STEAP4: variants seen among roughly 807,000 people sequenced by gnomAD.
STEAP4 encodes metalloreductase STEAP4.
Under a neutral mutation model 43.6 loss-of-function variants are expected in STEAP4, and 36 were observed. The ratio of observed to expected loss-of-function variants is 0.83; its 90% confidence interval spans 0.63 to 1.09. STEAP4 has a LOEUF of 1.09. STEAP4 is among the 50% of genes least tolerant of loss of function. STEAP4 has a pLI of 0.00. For synonymous variants in STEAP4, 191 were observed against 196.7 expected (o/e 0.97, Z 0.24); for missense variants, 495 against 546.5 (o/e 0.91, Z 0.94).
chr7:88,282,509 C>CAT, intron 3 of STEAP4, 132 bp downstream of exon 3: 1 of 902,616 alleles, frequency 1.1e-6, no homozygotes, highest in East Asian at 2.7e-5. Context: ...ACTGACATGA[C>CAT]ATTTCTAATT....
chr7:88,287,516 A>G (rs1031733318), intron 1 of STEAP4, among the ~76,000 whole-genome samples: 2 of 152,160 alleles, frequency 1.3e-5, no homozygotes, highest in African/African-American at 4.8e-5. Context: ...TTATTACACA[A>G]ATCAGTTTCC....
chr7:88,296,729 A>G (rs1043427531), intron 1 of STEAP4, among the ~76,000 whole-genome samples: 15 of 152,180 alleles, frequency 9.9e-5, no homozygotes, highest in African/African-American at 2.9e-4. Context: ...ACCTTCCATG[A>G]AAACACAAAC....
At chr7:88,305,640 C>G (rs184356112) in intron 1 of STEAP4, among the ~76,000 whole-genome samples, 1 of 152,126 alleles carries the variant, frequency 6.6e-6, no homozygotes, top group East Asian at 1.9e-4. Flanking sequence ...AGACTCTTCC[C>G]CCGACAACTG....
intron 1 of STEAP4, among the ~76,000 whole-genome samples, chr7:88,285,503 G>A (rs899612151): frequency 9.2e-5 from 14 of 151,946 alleles, no homozygotes; most frequent in Admixed American, 9.2e-4. Context: ...ATTAAATAAT[G>A]TGGTACTATC....
rs373911843 is a variant in STEAP4 at position 88,303,358 on chromosome 7, T to C, written c.-3+3434A>G. 1.3e-4 allele frequency among the ~76,000 whole-genome samples: 20 copies of C among 151,882 alleles called. No individual in the cohort carries two copies. The East Asian group carries it at 1.4e-3, about 10-fold the overall frequency. On this transcript the variant is annotated intron_variant, in intron 1 of 4. Coordinates refer to ENST00000380079, the MANE Select transcript of STEAP4 (RefSeq NM_024636.4). ...TAAACATAAAAAAATTAGCTGGGCA[T>C]TGTGGTGGGCACTTATAATCCCAGC...
intron 1 of STEAP4, among the ~76,000 whole-genome samples, chr7:88,295,739 T>G (rs1586751780): frequency 6.6e-6 from 1 of 152,090 alleles, no homozygotes; most frequent in East Asian, 1.9e-4. Flanking sequence ...AAAACAAACT[T>G]AAGCGATTCT....
chr7:88,283,726 C>T (rs1852671446), intron 2 of STEAP4, 88 bp downstream of exon 2: 1 of 1,370,816 alleles, frequency 7.3e-7, no homozygotes, highest in East Asian at 2.3e-5. Flanking sequence ...GGCATTTCAT[C>T]TTGGAATTAT....
At chr7:88,291,269 A>T (rs911972345) in intron 1 of STEAP4, among the ~76,000 whole-genome samples, 2 of 152,070 alleles carry the variant, frequency 1.3e-5, no homozygotes, top group African/African-American at 2.4e-5. Context: ...GGATCACTTG[A>T]GGTCAGGAGC....
At chr7:88,290,099 C>T (rs1219065845) in intron 1 of STEAP4, among the ~76,000 whole-genome samples, 1 of 152,150 alleles carries the variant, frequency 6.6e-6, no homozygotes, top group African/African-American at 2.4e-5. Flanking sequence ...ATGCAGTTGC[C>T]AGTATCCTGT....
At chr7:88,285,826 T>A (rs974094578) in intron 1 of STEAP4, among the ~76,000 whole-genome samples, 15 of 151,206 alleles carry the variant, frequency 9.9e-5, no homozygotes, top group Admixed American at 2.0e-4. Flanking sequence ...GAATAAGTTT[T>A]AAAAAAATTC....
chr7:88,290,512 C>T (rs1037866487), intron 1 of STEAP4: 23 of 152,150 alleles, frequency 1.5e-4, no homozygotes, highest in African/African-American at 4.8e-4. Context: ...ACTAGGCCAT[C>T]AGAGGCAAAA....
At chr7:88,303,562 C>A (rs1413065261) in intron 1 of STEAP4, among the ~76,000 whole-genome samples, 1 of 151,272 alleles carries the variant, frequency 6.6e-6, no homozygotes, top group Non-Finnish European at 1.5e-5. Flanking sequence ...AAGTACAGTA[C>A]AGTAAACCTC....
intron 4 of STEAP4, among the ~76,000 whole-genome samples, 167 bp downstream of exon 4, chr7:88,280,748 A>C (rs1032274015): frequency 6.6e-6 from 1 of 152,208 alleles, no homozygotes; most frequent in Non-Finnish European, 1.5e-5. Flanking sequence ...TCTTAGCTGT[A>C]GATATGGAGG....
intron 1 of STEAP4, among the ~76,000 whole-genome samples, chr7:88,289,059 C>T (rs578057599): frequency 2.8e-5 from 4 of 143,616 alleles, no homozygotes; most frequent in Middle Eastern, 3.7e-3. Context: ...TGCATGCATG[C>T]GCGTGTGTGT....
intron 1 of STEAP4, among the ~76,000 whole-genome samples, chr7:88,300,960 A>G (rs998763173): frequency 6.6e-6 from 1 of 152,114 alleles, no homozygotes; most frequent in African/African-American, 2.4e-5. Context: ...TGGCATCAAC[A>G]CAATTTTAGC....
At position 88,279,483 on chromosome 7, in the gene STEAP4, A is replaced by G; in HGVS notation, c.1295T>C (p.Val432Ala). The change falls in exon 5 of 5, where the codon GTG (valine) becomes GCG (alanine). Residue 432 changes from valine (V) to alanine (A), a missense_variant. Physicochemically the swap from Val to Ala is moderately conservative, Grantham distance 64. Coordinates refer to ENST00000380079, the MANE Select transcript of STEAP4 (RefSeq NM_024636.4). ...TGGCATGATTAGGACAAACTTGATC[A>G]CCAGCACAGTGCAAGGAATGATAAG... Reference protein sequence around the residue: ...LGLIIPCTVLVIKFVLIMPCV... With the variant: ...LGLIIPCTVLAIKFVLIMPCV... 1 of 1,614,164 alleles carries G rather than the reference A, an allele frequency of 6.2e-7. No individual in the cohort carries two copies. The highest frequency in any genetic ancestry group is 8.5e-7 in the Non-Finnish European group (1 of 1,180,032).
chr7:88,306,244 TCTGGACAAA>T (rs1853129061), intron 1 of STEAP4, among the ~76,000 whole-genome samples: 1 of 152,230 alleles, frequency 6.6e-6, no homozygotes, highest in Admixed American at 6.5e-5. Context: ...AAATTCTGTC[TCTGGACAAA>T]CAAACGGAAC....
intron 1 of STEAP4, among the ~76,000 whole-genome samples, chr7:88,293,195 G>C (rs568612376): frequency 2.0e-5 from 3 of 152,018 alleles, no homozygotes; most frequent in Non-Finnish European, 4.4e-5. Flanking sequence ...ATTTGCATTT[G>C]TTTAATGGTT....
chr7:88,299,817 G>A (rs1852999039), intron 1 of STEAP4, among the ~76,000 whole-genome samples: 1 of 152,178 alleles, frequency 6.6e-6, no homozygotes, highest in Non-Finnish European at 1.5e-5. Context: ...GTTTTGTTGT[G>A]GATCTTGACC....
Sources: allele counts gnomAD v4.1 joint callset (sites outside exome capture counted in the v4.1 genomes callset), GRCh38; gene constraint gnomAD v4.1.1; transcripts MANE v1.5; gene names NCBI Gene and HGNC (gene_info 2026-07-23, HGNC 2026-07-21).